The following MMAA variants were observed in gnomAD, a reference collection of about 807,000 sequenced individuals.
MMAA encodes methylmalonic aciduria type A protein, mitochondrial.
In MMAA, 41 loss-of-function variants were observed where a neutral mutation model predicts 45.0. The observed-to-expected ratio is 0.91, with a 90% CI of 0.71 to 1.18. The LOEUF (loss-of-function observed/expected upper bound fraction) is 1.18. Ranked by LOEUF, MMAA falls within the 50% of genes most tolerant of loss-of-function variation. The pLI, the probability that MMAA is intolerant of heterozygous loss-of-function variation, is 0.00. For missense variants in MMAA, 460 were observed against 495.7 expected, an observed-to-expected ratio of 0.93 and a Z score of 0.68; for synonymous variants, 154 against 178.2, an observed-to-expected ratio of 0.86 and a Z score of 1.08.
chr4:145,657,058 T>C lies in MMAA; in HGVS notation c.*1624T>C, dbSNP rs1028372671. ...TTTTATAATTTCCCTGAGTAAGCTG[T>C]TACAGGGAATAACAAATCTCCTGCC... is the stretch of plus-strand genomic sequence containing the variant. On this transcript the variant is annotated 3_prime_UTR_variant, in exon 7 of 7. Transcript: ENST00000649156. The C allele has an allele frequency of 6.6e-6, 1 of 152,178 alleles. No homozygotes were observed. Among genetic ancestry groups the C allele is most frequent in the Non-Finnish European group, 1.5e-5 (1 of 68,010 alleles). 9.4% of individuals were successfully genotyped at this position (152,178 alleles called of 1,614,324 possible).
chr4:145,652,545 G>A (rs1355211038), intron 5 of MMAA, among the ~76,000 whole-genome samples: 2 of 151,990 alleles, frequency 1.3e-5, no homozygotes, highest in Non-Finnish European at 2.9e-5. Context: ...TGGCTAACAT[G>A]GTGAAACCCC....
intron 4 of MMAA, among the ~76,000 whole-genome samples, chr4:145,649,606 C>A (rs931527766): frequency 6.6e-6 from 1 of 152,148 alleles, no homozygotes; most frequent in African/African-American, 2.4e-5. Context: ...TGCTTTGACT[C>A]ATTCATCATA....
chr4:145,625,857 A>G, intron 1 of MMAA: 1 of 1,335,266 alleles, frequency 7.5e-7, no homozygotes, highest in Non-Finnish European at 1.1e-6. Context: ...AAGACGTTCC[A>G]GATGACGGGT....
At chr4:145,636,264 G>C (rs1363780898) in intron 1 of MMAA, among the ~76,000 whole-genome samples, 5 of 152,164 alleles carry the variant, frequency 3.3e-5, no homozygotes, top group African/African-American at 7.2e-5. Flanking sequence ...CTTAAATCAG[G>C]CTTTTCCTTT....
At chr4:145,635,177 A>G (rs1310832577) in intron 1 of MMAA, among the ~76,000 whole-genome samples, 1 of 152,092 alleles carries the variant, frequency 6.6e-6, no homozygotes, top group Admixed American at 6.5e-5. Context: ...GACTGCCATT[A>G]AAGTTTAATT....
At chr4:145,636,099 G>A (rs1727599892) in intron 1 of MMAA, among the ~76,000 whole-genome samples, 1 of 152,208 alleles carries the variant, frequency 6.6e-6, no homozygotes, top group African/African-American at 2.4e-5. Context: ...ATATCTGAAA[G>A]TGGCTGGTAG....
At position 145,624,206 on chromosome 4, in the gene MMAA, T is replaced by C. The variant is rs149175343; in HGVS notation, c.-66+4799T>C. On this transcript the variant is annotated intron_variant, in intron 1 of 6. Coordinates refer to ENST00000649156, the MANE Select transcript of MMAA (RefSeq NM_172250.3). ...TATAACCACTTCTTTTTATCAACTT[T>C]AAGCTGCATACAGGCAAAGAGATCA... The C allele has an allele frequency of 1.5e-4, 128 of 839,572 alleles. No homozygotes were observed. In the African/African-American group the frequency reaches 1.7e-3, roughly 11 times the overall value. The allele number at this position is 839,572 out of a possible 1,614,324, so 52.0% of individuals were successfully genotyped here. A position where few individuals can be genotyped will look rare whatever the true frequency, so the allele number is the denominator to read the frequency against.
In MMAA at chr4:145,656,088, T is replaced by C. The variant is rs1728221697; in HGVS notation, c.*654T>C. On this transcript the variant is annotated 3_prime_UTR_variant, in exon 7 of 7. Transcript: ENST00000649156. Reference sequence around the variant, plus strand: ...ATCAGCTACAAATAAAATGGGTGACTAATCCCCAGTTCTTGGACCCATTAT... The same window carrying C: ...ATCAGCTACAAATAAAATGGGTGACCAATCCCCAGTTCTTGGACCCATTAT... 1 of 152,210 alleles carries C rather than the reference T, an allele frequency of 6.6e-6. No individual in the cohort carries two copies. 9.4% of individuals were successfully genotyped at this position (152,210 alleles called of 1,614,324 possible). A position where few individuals can be genotyped will look rare whatever the true frequency, so the allele number is the denominator to read the frequency against.
intron 1 of MMAA, chr4:145,624,221 C>CA: frequency 1.2e-6 from 1 of 821,784 alleles, no homozygotes; most frequent in Non-Finnish European, 2.2e-6. Context: ...TGCATACAGG[C>CA]AAAGAGATCA....
At chr4:145,631,069 TGTA>T (rs1478373099) in intron 1 of MMAA, among the ~76,000 whole-genome samples, 3 of 152,254 alleles carry the variant, frequency 2.0e-5, no homozygotes, top group Non-Finnish European at 4.4e-5. Context: ...TGAGCTAACA[TGTA>T]GTCTATTCTT....
At chr4:145,634,642 T>C (rs1727558080) in intron 1 of MMAA, among the ~76,000 whole-genome samples, 1 of 151,906 alleles carries the variant, frequency 6.6e-6, no homozygotes, top group African/African-American at 2.4e-5. Context: ...AGTCTCGCCC[T>C]GTATCTAGTG....
intron 5 of MMAA, among the ~76,000 whole-genome samples, chr4:145,651,828 A>C (rs1728098423): frequency 6.6e-6 from 1 of 152,190 alleles, no homozygotes; most frequent in South Asian, 2.1e-4. Context: ...AAACTGTTCC[A>C]CCTCAGATCA....
chr4:145,621,738 T>A (rs767561274), intron 1 of MMAA, among the ~76,000 whole-genome samples: 3 of 152,208 alleles, frequency 2.0e-5, no homozygotes, highest in Non-Finnish European at 4.4e-5. Flanking sequence ...ACTGATCTAC[T>A]GTATTGATTT....
chr4:145,620,770 A>G (rs1734074101), intron 1 of MMAA, among the ~76,000 whole-genome samples: 1 of 152,186 alleles, frequency 6.6e-6, no homozygotes, highest in Middle Eastern at 3.2e-3. Context: ...TGGTCAGGAA[A>G]GATTTTAAGC....
At chr4:145,646,822 A>G (rs1193124661) in intron 4 of MMAA, among the ~76,000 whole-genome samples, 1 of 152,222 alleles carries the variant, frequency 6.6e-6, no homozygotes, top group Non-Finnish European at 1.5e-5. Flanking sequence ...TGGCCCATCC[A>G]GAGAAGTACA....
chr4:145,621,192 T>G (rs1734081883), intron 1 of MMAA, among the ~76,000 whole-genome samples: 1 of 152,164 alleles, frequency 6.6e-6, no homozygotes, highest in Non-Finnish European at 1.5e-5. Context: ...ATGTTTTCAT[T>G]TTGTAAGTGA....
intron 1 of MMAA, among the ~76,000 whole-genome samples, chr4:145,636,238 G>A (rs1453936320): frequency 2.6e-5 from 4 of 152,106 alleles, no homozygotes; most frequent in Non-Finnish European, 5.9e-5. Context: ...AATAAAATAG[G>A]ATAGGTCAAG....
intron 1 of MMAA, among the ~76,000 whole-genome samples, chr4:145,626,792 G>A (rs1198564025): frequency 1.3e-5 from 2 of 152,234 alleles, no homozygotes; most frequent in East Asian, 1.9e-4. Flanking sequence ...ATGCATGCAC[G>A]ATGCCTCACA....
chr4:145,643,330 T>C (rs1333438684), intron 3 of MMAA, among the ~76,000 whole-genome samples: 1 of 152,194 alleles, frequency 6.6e-6, no homozygotes, highest in Non-Finnish European at 1.5e-5. Context: ...CAAGATACAG[T>C]CCTGGCTTTA....
Sources: allele counts gnomAD v4.1 joint callset (sites outside exome capture counted in the v4.1 genomes callset), GRCh38; gene constraint gnomAD v4.1.1; transcripts MANE v1.5; gene names NCBI Gene and HGNC (gene_info 2026-07-23, HGNC 2026-07-21).